NRXN3: variants seen among roughly 807,000 people sequenced by gnomAD.
The protein encoded by NRXN3 is neurexin III.
A neutral mutation model predicts 137.6 loss-of-function variants in NRXN3; 32 were observed. That is an observed-to-expected ratio of 0.23 (90% confidence interval 0.18 to 0.31). The LOEUF is 0.31. NRXN3 is among the 10% of genes least tolerant of loss of function. The pLI is 1.00. For synonymous variants in NRXN3, 798 were observed against 784.5 expected (o/e 1.02, Z -0.29); for missense variants, 1,574 against 2,062.5 (o/e 0.76, Z 4.59).
At chr14:78,739,180 A>G in intron 8 of NRXN3, among the ~76,000 whole-genome samples, 1 of 152,230 alleles carries the variant, frequency 6.6e-6, no homozygotes, top group East Asian at 1.9e-4. Context: ...ATGACCAAGA[A>G]TAGTAGTTTA....
chr14:79,279,901 C>G (rs1456448326), intron 15 of NRXN3: 1 of 1,027,526 alleles, frequency 9.7e-7, no homozygotes, highest in African/African-American at 1.7e-5. Flanking sequence ...TCATTGCCAC[C>G]TTTCCTCTGT....
chr14:78,615,444 CAAA>C (rs11456993), intron 4 of NRXN3, among the ~76,000 whole-genome samples: 1 of 120,900 alleles, frequency 8.3e-6, no homozygotes, highest in Admixed American at 8.5e-5. Context: ...ACTGAAAATA[CAAA>C]AAAAAAAAAA....
intron 16 of NRXN3, among the ~76,000 whole-genome samples, chr14:79,518,038 T>C (rs1222667883): frequency 1.3e-5 from 2 of 151,236 alleles, no homozygotes; most frequent in African/African-American, 4.9e-5. Flanking sequence ...GCTGAGTAGC[T>C]GGGATTACAG....
chr14:79,772,007 G>T (rs2099080243), intron 19 of NRXN3, among the ~76,000 whole-genome samples: 2 of 137,432 alleles, frequency 1.5e-5, no homozygotes, highest in South Asian at 4.9e-4. Context: ...GCCAAATCAT[G>T]AGTGAACTCC....
At chr14:79,451,275 T>C (rs2096167859) in intron 15 of NRXN3, among the ~76,000 whole-genome samples, 1 of 152,074 alleles carries the variant, frequency 6.6e-6, no homozygotes, top group Admixed American at 6.5e-5. Flanking sequence ...AGCTCCAGCA[T>C]AACACGGGTT....
intron 4 of NRXN3, among the ~76,000 whole-genome samples, chr14:78,542,607 G>T (rs1566696356): frequency 6.6e-6 from 1 of 152,180 alleles, no homozygotes; most frequent in Non-Finnish European, 1.5e-5. Context: ...GCTTCCCTTG[G>T]CTAGGAAAGG....
chr14:78,222,469 T>C (rs2063963977), intron 1 of NRXN3, among the ~76,000 whole-genome samples: 1 of 152,212 alleles, frequency 6.6e-6, no homozygotes, highest in South Asian at 2.1e-4. Flanking sequence ...CTTTGGGTGC[T>C]TCTCCCTTCC....
At chr14:79,097,960 C>A (rs1300625576) in intron 15 of NRXN3, among the ~76,000 whole-genome samples, 1 of 152,142 alleles carries the variant, frequency 6.6e-6, no homozygotes, top group Non-Finnish European at 1.5e-5. Context: ...TTATATTAGT[C>A]TCCTACAGCT....
intron 16 of NRXN3, among the ~76,000 whole-genome samples, chr14:79,580,492 T>C (rs1313212444): frequency 6.6e-6 from 1 of 151,918 alleles, no homozygotes; most frequent in African/African-American, 2.4e-5. Context: ...CTTGCCCTGA[T>C]AGCCTTTTCT....
At chr14:78,936,934 C>T (rs1259732932) in intron 10 of NRXN3, among the ~76,000 whole-genome samples, 1 of 152,094 alleles carries the variant, frequency 6.6e-6, no homozygotes, top group African/African-American at 2.4e-5. Flanking sequence ...TTTCTAGAGT[C>T]TCTCTGTGGG....
At position 79,679,882 on chromosome 14, in the gene NRXN3, C is replaced by A. The variant is rs182228761; in HGVS notation, c.3617-12291C>A. On this transcript the variant is annotated intron_variant, in intron 17 of 20. Transcript: ENST00000335750. Reference sequence around the variant, plus strand: ...TTTACAATGTGAATAATATTTGAGTCATGACGTAACTATAAGTTACTTCTA... The same window carrying A: ...TTTACAATGTGAATAATATTTGAGTAATGACGTAACTATAAGTTACTTCTA... Among the ~76,000 whole-genome samples, 603 of 152,252 alleles carry A rather than the reference C, an allele frequency of 4.0e-3. 9 individuals carry two copies. The highest frequency in any genetic ancestry group is 3.3e-3 in the Non-Finnish European group (226 of 68,018).
intron 15 of NRXN3, among the ~76,000 whole-genome samples, chr14:79,247,748 A>G (rs1251134237): frequency 6.6e-6 from 1 of 152,062 alleles, no homozygotes; most frequent in Non-Finnish European, 1.5e-5. Flanking sequence ...TTTATATGAG[A>G]AAGCTTCTTT....
intron 15 of NRXN3, among the ~76,000 whole-genome samples, chr14:79,323,994 G>T (rs914312237): frequency 6.6e-6 from 1 of 152,198 alleles, no homozygotes. Context: ...TCTATTGCTG[G>T]TCAATGCAGA....
chr14:79,136,169 A>C (rs2058203229), intron 15 of NRXN3, among the ~76,000 whole-genome samples: 1 of 152,184 alleles, frequency 6.6e-6, no homozygotes, highest in South Asian at 2.1e-4. Flanking sequence ...AAATCACTGA[A>C]GGTTGGTGCC....
intron 6 of NRXN3, among the ~76,000 whole-genome samples, chr14:78,689,650 T>C (rs1021735384): frequency 2.0e-5 from 3 of 152,178 alleles, no homozygotes; most frequent in African/African-American, 7.2e-5. Context: ...TGTAGATAAA[T>C]AGTATAGGAA....
At chr14:78,947,069 A>G (rs962045231) in intron 10 of NRXN3, among the ~76,000 whole-genome samples, 2 of 152,204 alleles carry the variant, frequency 1.3e-5, no homozygotes, top group African/African-American at 2.4e-5. Context: ...TTAGTTAACA[A>G]GAACCAGAAT....
intron 15 of NRXN3, among the ~76,000 whole-genome samples, chr14:79,410,941 G>T (rs938185987): frequency 1.3e-5 from 2 of 151,990 alleles, no homozygotes; most frequent in Non-Finnish European, 2.9e-5. Context: ...TACAGTTTTG[G>T]GGGGGAAGAT....
intron 16 of NRXN3, among the ~76,000 whole-genome samples, chr14:79,643,497 T>C (rs560053787): frequency 7.4e-6 from 1 of 135,794 alleles, no homozygotes; most frequent in East Asian, 2.0e-4. Context: ...GGGTTTTTTT[T>C]CTGGTCATTT....
intron 15 of NRXN3, among the ~76,000 whole-genome samples, chr14:79,366,574 T>G (rs144466003): frequency 1.1e-4 from 17 of 152,338 alleles, no homozygotes; most frequent in African/African-American, 4.1e-4. Flanking sequence ...CATGCACTTC[T>G]AATTTAGACT....
Sources: gnomAD v4.1 joint callset for allele counts (sites outside exome capture counted in the v4.1 genomes callset) on GRCh38, gnomAD v4.1.1 for gene constraint, MANE v1.5 for transcripts, NCBI Gene and HGNC (gene_info 2026-07-23, HGNC 2026-07-21) for gene names.